Variants in RIMS2 observed in about 807,000 individuals in gnomAD.
The protein encoded by RIMS2 is regulating synaptic membrane exocytosis protein 2.
RIMS2 carries 59 observed loss-of-function variants against 174.4 expected under a neutral mutation model. That is an observed-to-expected ratio of 0.34 (90% CI 0.27 to 0.42). RIMS2 has a LOEUF of 0.42. Ranked by LOEUF, RIMS2 falls within the 10% of genes least tolerant of loss-of-function variation. The pLI is 1.00. For missense variants in RIMS2, 1,620 were observed against 1,666.3 expected, an observed-to-expected ratio of 0.97 and a Z score of 0.48; for synonymous variants, 606 against 572.5, an observed-to-expected ratio of 1.06 and a Z score of -0.84.
At chr8:103,783,725 CAT>C (rs1214349149) in intron 3 of RIMS2, among the ~76,000 whole-genome samples, 2 of 151,742 alleles carry the variant, frequency 1.3e-5, no homozygotes, top group African/African-American at 2.4e-5. Context: ...CTGCAATAAA[CAT>C]ATGTGTGCAT....
chr8:104,188,579 A>T (rs28709318), intron 19 of RIMS2, among the ~76,000 whole-genome samples: 4 of 151,822 alleles, frequency 2.6e-5, no homozygotes, highest in Non-Finnish European at 5.9e-5. Flanking sequence ...GAGGTATTCA[A>T]TGTTTTTTGT....
At chr8:103,699,187 C>A (rs570967152) in intron 2 of RIMS2, among the ~76,000 whole-genome samples, 1 of 152,116 alleles carries the variant, frequency 6.6e-6, no homozygotes, top group East Asian at 1.9e-4. Flanking sequence ...TTGATGCTAC[C>A]TCTTTCATTC....
intron 19 of RIMS2, among the ~76,000 whole-genome samples, chr8:104,232,550 G>A (rs1164374341): frequency 6.6e-6 from 1 of 152,160 alleles, no homozygotes; most frequent in African/African-American, 2.4e-5. Context: ...TGGGCTGTAG[G>A]TTAGGAGTGA....
At chr8:103,539,507 T>C (rs968910113) in intron 1 of RIMS2, among the ~76,000 whole-genome samples, 58 of 152,266 alleles carry the variant, frequency 3.8e-4, no homozygotes, top group African/African-American at 1.4e-3. Flanking sequence ...GTGAATTGGC[T>C]TACCTGAGAT....
chr8:104,047,134 T>C (rs547946517), intron 19 of RIMS2, among the ~76,000 whole-genome samples: 1 of 152,144 alleles, frequency 6.6e-6, no homozygotes, highest in South Asian at 2.1e-4. Flanking sequence ...ATGGAACAAA[T>C]AGCTGTGGAA....
rs949331449 is a variant in RIMS2 at position 103,647,606 on chromosome 8, T to C, written c.177-49480T>C. Among the ~76,000 whole-genome samples the C allele has an allele frequency of 5.3e-5, 8 of 152,170 alleles. No individual in the cohort carries two copies. In the East Asian group the frequency reaches 1.5e-3, roughly 29 times the overall value. On this transcript the variant is annotated intron_variant, in intron 1 of 23. Transcript: ENST00000504942. ...ATTACTGCCTGAATTTCAGAACTTATTATTGGCCTATTAACAGATTCAGTT... is the reference window on the plus strand; with the variant it reads ...ATTACTGCCTGAATTTCAGAACTTACTATTGGCCTATTAACAGATTCAGTT...
chr8:103,761,838 C>T (rs966751045), intron 2 of RIMS2, among the ~76,000 whole-genome samples: 8 of 152,122 alleles, frequency 5.3e-5, no homozygotes, highest in African/African-American at 1.9e-4. Context: ...CTAGTGAATT[C>T]CTTTTTCTGT....
intron 10 of RIMS2, chr8:103,922,669 G>T: frequency 2.5e-6 from 1 of 393,110 alleles, no homozygotes; most frequent in South Asian, 1.8e-5. Flanking sequence ...AATTATTTGA[G>T]GCTGATATTT....
intron 3 of RIMS2, among the ~76,000 whole-genome samples, chr8:103,841,709 C>T (rs148545761): frequency 2.6e-4 from 39 of 152,282 alleles, no homozygotes; most frequent in Non-Finnish European, 4.7e-4. Flanking sequence ...CTTGGCTACA[C>T]ATCTGTAGAC....
At chr8:103,845,395 G>C in intron 3 of RIMS2, among the ~76,000 whole-genome samples, 1 of 152,100 alleles carries the variant, frequency 6.6e-6, no homozygotes, top group African/African-American at 2.4e-5. Context: ...TATTACTAGT[G>C]AAAACGATTT....
intron 19 of RIMS2, among the ~76,000 whole-genome samples, chr8:104,124,238 A>G (rs2098410122): frequency 6.6e-6 from 1 of 152,194 alleles, no homozygotes; most frequent in Admixed American, 6.5e-5. Context: ...AATGCAGAAC[A>G]TATTTAACCA....
At chr8:104,037,491 G>C (rs1280144959) in intron 19 of RIMS2, among the ~76,000 whole-genome samples, 1 of 152,126 alleles carries the variant, frequency 6.6e-6, no homozygotes, top group Non-Finnish European at 1.5e-5. Flanking sequence ...TGTAAATGGT[G>C]GTAAGTGAGA....
At chr8:103,896,836 G>C (rs542491974) in intron 4 of RIMS2, among the ~76,000 whole-genome samples, 1 of 151,446 alleles carries the variant, frequency 6.6e-6, no homozygotes, top group Admixed American at 6.6e-5. Flanking sequence ...TTATATGATG[G>C]CTCAGGGCTC....
intron 3 of RIMS2, among the ~76,000 whole-genome samples, chr8:103,824,623 G>A (rs2098775314): frequency 6.6e-6 from 1 of 152,152 alleles, no homozygotes. Context: ...TTTGGGCAGA[G>A]AACGCTTTCA....
chr8:103,568,995 T>C, intron 1 of RIMS2: 1 of 506,784 alleles, frequency 2.0e-6, no homozygotes, highest in Non-Finnish European at 3.6e-6. Flanking sequence ...TTCCTATCGC[T>C]CTTTTCACTT....
At chr8:103,681,470 T>C (rs2096879611) in intron 1 of RIMS2, among the ~76,000 whole-genome samples, 1 of 151,960 alleles carries the variant, frequency 6.6e-6, no homozygotes, top group South Asian at 2.1e-4. Context: ...GAACCAAGCG[T>C]GGACCAGTGC....
intron 3 of RIMS2, among the ~76,000 whole-genome samples, chr8:103,793,218 A>G (rs770461327): frequency 6.6e-6 from 1 of 152,220 alleles, no homozygotes; most frequent in Non-Finnish European, 1.5e-5. Flanking sequence ...CAGCACATCT[A>G]AAAGCTTATC....
At chr8:103,718,196 G>T (rs1229256839) in intron 2 of RIMS2, among the ~76,000 whole-genome samples, 1 of 152,104 alleles carries the variant, frequency 6.6e-6, no homozygotes, top group East Asian at 1.9e-4. Flanking sequence ...TAGAATCAAG[G>T]GACATGAAAG....
At chr8:104,054,457 T>G (rs1036909993) in intron 19 of RIMS2, among the ~76,000 whole-genome samples, 1 of 152,130 alleles carries the variant, frequency 6.6e-6, no homozygotes, top group African/African-American at 2.4e-5. Context: ...TTATTTCAAT[T>G]TAATGGTGAT....
Sources: allele counts gnomAD v4.1 joint callset (sites outside exome capture counted in the v4.1 genomes callset), GRCh38; gene constraint gnomAD v4.1.1; transcripts MANE v1.5; gene names NCBI Gene and HGNC (gene_info 2026-07-23, HGNC 2026-07-21).